The following ODAD2 variants were observed in gnomAD, a reference collection of about 807,000 sequenced individuals.
ODAD2 encodes outer dynein arm-docking complex subunit 2.
Under a neutral mutation model 106.8 loss-of-function variants are expected in ODAD2, and 89 were observed. The ratio of observed to expected loss-of-function variants is 0.83; its 90% CI spans 0.70 to 0.99. ODAD2 has a LOEUF of 0.99. Ranked by LOEUF, ODAD2 falls within the 50% of genes least tolerant of loss-of-function variation. The probability of loss-of-function intolerance (pLI) is 0.00; values close to 1 mark genes in which losing one functional copy is unlikely to be tolerated. For synonymous variants in ODAD2, 404 were observed against 436.2 expected, an observed-to-expected ratio of 0.93 and a Z score of 0.92; for missense variants, 1,168 against 1,238.5, an observed-to-expected ratio of 0.94 and a Z score of 0.85.
intron 7 of ODAD2, among the ~76,000 whole-genome samples, chr10:27,976,212 CA>C (rs142938724): frequency 0.077 from 11,741 of 151,958 alleles, 591 homozygotes; most frequent in African/African-American, 0.13. Flanking sequence ...CATTTCTATT[CA>C]ATTTTTTACT....
chr10:27,972,277 T>C (rs1848913088), intron 7 of ODAD2, among the ~76,000 whole-genome samples: 1 of 152,044 alleles, frequency 6.6e-6, no homozygotes, highest in Non-Finnish European at 1.5e-5. Flanking sequence ...AAACTTTTAG[T>C]AAGAAATATA....
At position 27,981,446 on chromosome 10, in the gene ODAD2, A is replaced by T. The variant is rs1849539549; in HGVS notation, c.936+20T>A. The T allele has an allele frequency of 1.0e-5, 15 of 1,475,958 alleles. No homozygotes were observed. The highest frequency in any genetic ancestry group is 2.7e-5 in the East Asian group (1 of 37,298). 91.4% of individuals were successfully genotyped at this position (1,475,958 alleles called of 1,614,324 possible). ...AGTAACATAATGCTATGAAAGCTCA[A>T]AAGAAACCATAAAACTTACCAATTT... is the stretch of plus-strand genomic sequence containing the variant. On this transcript the variant is annotated intron_variant, in intron 7 of 19. Coordinates refer to ENST00000305242, the MANE Select transcript of ODAD2 (RefSeq NM_018076.5).
intron 19 of ODAD2, among the ~76,000 whole-genome samples, chr10:27,815,812 T>C (rs1267285075): frequency 2.6e-5 from 4 of 152,186 alleles, no homozygotes; most frequent in Non-Finnish European, 5.9e-5. Flanking sequence ...TATGGAACCA[T>C]CTTCTAAATT....
At chr10:27,988,479 G>A (rs1850020182) in intron 2 of ODAD2, among the ~76,000 whole-genome samples, 1 of 151,746 alleles carries the variant, frequency 6.6e-6, no homozygotes, top group Non-Finnish European at 1.5e-5. Context: ...TGGGACTAGA[G>A]GCACATGCCA....
chr10:27,876,479 A>T (rs1382181759), intron 17 of ODAD2, among the ~76,000 whole-genome samples: 1 of 152,212 alleles, frequency 6.6e-6, no homozygotes, highest in Non-Finnish European at 1.5e-5. Flanking sequence ...CCTGCAGCTG[A>T]GGGTCCTGAC....
At chr10:27,969,912 C>A (rs1848726717) in intron 8 of ODAD2, among the ~76,000 whole-genome samples, 1 of 151,986 alleles carries the variant, frequency 6.6e-6, no homozygotes, top group Admixed American at 6.6e-5. Flanking sequence ...TTGAGACTAG[C>A]CTGGCCAACA....
At position 27,984,088 on chromosome 10, in the gene ODAD2, T is replaced by C. The variant is rs548538704; in HGVS notation, c.682+96A>G. ...GTGGAAATTTTAAGCTTTCCCCTTC[T>C]TAAACCTTCTCTTGTAATGTAGACA... On this transcript the variant is annotated intron_variant, in intron 5 of 19. Transcript: ENST00000305242. 2.1e-5 allele frequency: 32 copies of C among 1,501,310 alleles called. No homozygotes were observed. The South Asian group carries it at 3.4e-4, about 16-fold the overall frequency. The allele number at this position is 1,501,310 out of a possible 1,614,324, so 93.0% of individuals were successfully genotyped here.
chr10:27,860,952 G>A (rs1840002177), intron 18 of ODAD2, 106 bp from the exon 19 acceptor site: 3 of 939,546 alleles, frequency 3.2e-6, no homozygotes, highest in Non-Finnish European at 3.3e-6. Flanking sequence ...AATGAGTCTA[G>A]AGAAAAGGGC....
chr10:27,953,925 C>A (rs1847538881), intron 10 of ODAD2, among the ~76,000 whole-genome samples: 2 of 152,326 alleles, frequency 1.3e-5, no homozygotes, highest in Admixed American at 1.3e-4. Context: ...CAGACAGCCA[C>A]ACCCACTCAG....
Position 27,812,244 on chromosome 10 carries a change from G to T in ODAD2, c.*268C>A, listed in dbSNP as rs910300575. ...ACTGAACTAAAAATACATCATATAC[G>T]TATATTCTCATATTCTTAGAAACTT... On this transcript the variant is annotated 3_prime_UTR_variant, in exon 20 of 20. Transcript: ENST00000305242. 5.0e-5 allele frequency: 21 copies of T among 421,120 alleles called. No homozygotes were observed. The highest frequency in any genetic ancestry group is 9.2e-5 in the Admixed American group (2 of 21,660). The allele number at this position is 421,120 out of a possible 1,614,324, so 26.1% of individuals were successfully genotyped here.
At chr10:27,814,701 C>T (rs1279915354) in intron 19 of ODAD2, among the ~76,000 whole-genome samples, 4 of 152,208 alleles carry the variant, frequency 2.6e-5, no homozygotes, top group South Asian at 4.1e-4. Flanking sequence ...TCTTTGCTTC[C>T]TCCATAACCA....
intron 17 of ODAD2, among the ~76,000 whole-genome samples, chr10:27,872,072 A>G (rs1157884564): frequency 6.6e-6 from 1 of 152,098 alleles, no homozygotes; most frequent in African/African-American, 2.4e-5. Flanking sequence ...GTACCTTCAC[A>G]TCCCTTGTAA....
chr10:27,893,789 T>C (rs894840418), intron 17 of ODAD2, among the ~76,000 whole-genome samples: 2 of 152,222 alleles, frequency 1.3e-5, no homozygotes, highest in African/African-American at 2.4e-5. Context: ...CACTGTTTTA[T>C]TGCAAGCTGG....
intron 7 of ODAD2, among the ~76,000 whole-genome samples, chr10:27,977,516 A>C (rs1279680074): frequency 6.6e-6 from 1 of 151,870 alleles, no homozygotes; most frequent in Non-Finnish European, 1.5e-5. Context: ...GCAACGAGCC[A>C]AGATCGATCA....
chr10:27,898,107 T>A (rs1170652331), intron 17 of ODAD2, among the ~76,000 whole-genome samples: 1 of 152,054 alleles, frequency 6.6e-6, no homozygotes, highest in African/African-American at 2.4e-5. Flanking sequence ...AGAAATAATA[T>A]CTATCAAAAT....
chr10:27,860,951 A>G, intron 18 of ODAD2, 105 bp from the exon 19 acceptor site: 1 of 953,136 alleles, frequency 1.0e-6, no homozygotes, highest in Non-Finnish European at 1.6e-6. Context: ...CAATGAGTCT[A>G]GAGAAAAGGG....
intron 19 of ODAD2, among the ~76,000 whole-genome samples, chr10:27,849,219 G>A (rs2133205019): frequency 6.6e-6 from 1 of 152,286 alleles, no homozygotes; most frequent in Admixed American, 6.5e-5. Context: ...GTACTATGCA[G>A]CCACGAAAAA....
At chr10:27,983,666 G>C (rs1038824408) in intron 6 of ODAD2, among the ~76,000 whole-genome samples, 177 bp downstream of exon 6, 3 of 152,148 alleles carry the variant, frequency 2.0e-5, no homozygotes, top group African/African-American at 7.2e-5. Flanking sequence ...TGGAGAATAA[G>C]AGAGCTAATT....
At chr10:27,822,420 T>G (rs1002136120) in intron 19 of ODAD2, among the ~76,000 whole-genome samples, 2 of 152,192 alleles carry the variant, frequency 1.3e-5, no homozygotes, top group Non-Finnish European at 2.9e-5. Context: ...AGATCTTAAG[T>G]GCCCAGAGCT....
Sources: allele counts gnomAD v4.1 joint callset (sites outside exome capture counted in the v4.1 genomes callset), GRCh38; gene constraint gnomAD v4.1.1; transcripts MANE v1.5; gene names NCBI Gene and HGNC (gene_info 2026-07-23, HGNC 2026-07-21).